CACNB2: variants seen among roughly 807,000 people sequenced by gnomAD.
CACNB2 encodes voltage-dependent L-type calcium channel subunit beta-2.
Under a neutral mutation model 73.3 loss-of-function variants are expected in CACNB2, and 42 were observed. The observed-to-expected ratio is 0.57, with a 90% CI of 0.45 to 0.74. The LOEUF is 0.74. Ranked by LOEUF, CACNB2 falls within the 30% of genes least tolerant of loss-of-function variation. The probability of loss-of-function intolerance (pLI) is 0.00; values close to 1 mark genes in which losing one functional copy is unlikely to be tolerated. For synonymous variants in CACNB2, 348 were observed against 310.3 expected (o/e 1.12, Z -1.28); for missense variants, 940 against 853.0 (o/e 1.10, Z -1.27).
chr10:18,298,150 C>A (rs762747066), intron 2 of CACNB2, among the ~76,000 whole-genome samples: 3 of 152,144 alleles, frequency 2.0e-5, no homozygotes, highest in Non-Finnish European at 4.4e-5. Context: ...TGGTGGATCA[C>A]CTGAGGTCAG....
At chr10:18,192,334 T>C (rs565631380) in intron 2 of CACNB2, among the ~76,000 whole-genome samples, 2 of 152,174 alleles carry the variant, frequency 1.3e-5, no homozygotes, top group Non-Finnish European at 1.5e-5. Context: ...ATACAATTAA[T>C]CATTTTATTT....
chr10:18,306,703 T>C (rs1030244679), intron 2 of CACNB2, among the ~76,000 whole-genome samples: 14 of 151,956 alleles, frequency 9.2e-5, no homozygotes, highest in Non-Finnish European at 1.0e-4. Flanking sequence ...CCAAAGATAG[T>C]TAAGGAGTGA....
intron 9 of CACNB2, among the ~76,000 whole-genome samples, chr10:18,520,840 G>T (rs1474969722): frequency 6.6e-6 from 1 of 152,170 alleles, no homozygotes; most frequent in South Asian, 2.1e-4. Flanking sequence ...TGGTATACGT[G>T]TGTACATGTA....
At chr10:18,166,556 A>G (rs2032865743) in intron 2 of CACNB2, among the ~76,000 whole-genome samples, 1 of 152,180 alleles carries the variant, frequency 6.6e-6, no homozygotes. Context: ...AAACTCATAA[A>G]TATTCCTAGA....
At position 18,518,321 on chromosome 10, in the gene CACNB2, C is replaced by T. The variant is rs546215302; in HGVS notation, c.805-15C>T. 6 of 1,593,586 alleles carry T rather than the reference C, an allele frequency of 3.8e-6. No homozygotes were observed. In the African/African-American group the frequency reaches 8.0e-5, roughly 21 times the overall value. On this transcript the variant is annotated splice_polypyrimidine_tract_variant and intron_variant, in intron 7 of 13. Coordinates refer to ENST00000324631, the MANE Select transcript of CACNB2 (RefSeq NM_201596.3). ...CTGCCTGTGAAACGTCTAAAAGCCT[C>T]TCCTCTCTCTGCAGACAGAGCACAC...
At chr10:18,292,895 T>C (rs772250450) in intron 2 of CACNB2, among the ~76,000 whole-genome samples, 5 of 152,196 alleles carry the variant, frequency 3.3e-5, no homozygotes, top group Non-Finnish European at 7.3e-5. Context: ...CACCAGCCCA[T>C]GCAACCTCGA....
intron 10 of CACNB2, among the ~76,000 whole-genome samples, chr10:18,533,669 G>A (rs543215481): frequency 2.6e-5 from 4 of 152,254 alleles, no homozygotes; most frequent in East Asian, 3.9e-4. Context: ...AGATCAGCCC[G>A]TGCACTGAAA....
chr10:18,259,940 G>A (rs1250809915), intron 2 of CACNB2, among the ~76,000 whole-genome samples: 1 of 152,072 alleles, frequency 6.6e-6, no homozygotes, highest in Non-Finnish European at 1.5e-5. Flanking sequence ...CTGGTAAAGT[G>A]TTGAGAATTA....
intron 3 of CACNB2, among the ~76,000 whole-genome samples, chr10:18,479,147 T>G (rs2048589359): frequency 1.3e-5 from 2 of 152,252 alleles, no homozygotes; most frequent in African/African-American, 4.8e-5. Context: ...ATATGGATCA[T>G]TTATATATAC....
intron 2 of CACNB2, among the ~76,000 whole-genome samples, chr10:18,291,281 C>T (rs2039058779): frequency 6.6e-6 from 1 of 152,190 alleles, no homozygotes; most frequent in African/African-American, 2.4e-5. Flanking sequence ...GCTCCTTGCT[C>T]TCATTATTTT....
At chr10:18,375,058 A>T (rs1185919340) in intron 2 of CACNB2, among the ~76,000 whole-genome samples, 1 of 152,084 alleles carries the variant, frequency 6.6e-6, no homozygotes, top group East Asian at 1.9e-4. Flanking sequence ...TCTCTACAAA[A>T]ATTTAAAAAA....
At position 18,539,572 on chromosome 10, in the gene CACNB2, G is replaced by GACGTGGATCGAGAGCAGGACCACA; in HGVS notation, c.1835_1858dup (p.Val612_Asn619dup). ...CAGGGAGTCCCGGCACCGTTCCCGG[G>GACGTGGATCGAGAGCAGGACCACA]ACGTGGATCGAGAGCAGGACCACAA... On this transcript the variant is annotated inframe_insertion, in exon 14 of 14. Coordinates refer to ENST00000324631, the MANE Select transcript of CACNB2 (RefSeq NM_201596.3). 6.2e-7 allele frequency: 1 copy of GACGTGGATCGAGAGCAGGACCACA among 1,613,830 alleles called. No individual in the cohort carries two copies. Among genetic ancestry groups the GACGTGGATCGAGAGCAGGACCACA allele is most frequent in the Non-Finnish European group, 8.5e-7 (1 of 1,179,982 alleles).
At chr10:18,300,039 G>A (rs1181568685) in intron 2 of CACNB2, among the ~76,000 whole-genome samples, 1 of 143,564 alleles carries the variant, frequency 7.0e-6, no homozygotes, top group Non-Finnish European at 1.5e-5. Context: ...TTTTTATTTT[G>A]AGACGGAGTT....
At chr10:18,441,646 T>A in intron 3 of CACNB2, among the ~76,000 whole-genome samples, 1 of 152,104 alleles carries the variant, frequency 6.6e-6, no homozygotes, top group Non-Finnish European at 1.5e-5. Flanking sequence ...GCTTTTTAAA[T>A]TTTTTTTAAA....
At chr10:18,504,715 A>G (rs1023978170) in intron 5 of CACNB2, among the ~76,000 whole-genome samples, 1 of 151,744 alleles carries the variant, frequency 6.6e-6, no homozygotes, top group African/African-American at 2.4e-5. Flanking sequence ...CGCAGTCTCG[A>G]CTCACTGCAA....
chr10:18,244,376 C>G (rs1005328948), intron 2 of CACNB2, among the ~76,000 whole-genome samples: 1 of 152,134 alleles, frequency 6.6e-6, no homozygotes, highest in South Asian at 2.1e-4. Context: ...AATCATCAAC[C>G]GCTTCTCAAC....
intron 3 of CACNB2, among the ~76,000 whole-genome samples, chr10:18,420,428 A>C (rs376834462): frequency 4.6e-5 from 7 of 152,240 alleles, no homozygotes; most frequent in African/African-American, 1.7e-4. Flanking sequence ...TGATCTGCCA[A>C]CTGTAACTGG....
chr10:18,295,762 A>G (rs1352116706), intron 2 of CACNB2, among the ~76,000 whole-genome samples: 1 of 152,206 alleles, frequency 6.6e-6, no homozygotes, highest in African/African-American at 2.4e-5. Flanking sequence ...TAGCAAATAC[A>G]TTAAGTATGT....
intron 2 of CACNB2, among the ~76,000 whole-genome samples, chr10:18,367,273 G>A (rs898820981): frequency 6.6e-6 from 1 of 151,796 alleles, no homozygotes. Flanking sequence ...AGTTTGAAAT[G>A]AACACATTTT....
Sources: allele counts gnomAD v4.1 joint callset (sites outside exome capture counted in the v4.1 genomes callset), GRCh38; gene constraint gnomAD v4.1.1; transcripts MANE v1.5; gene names NCBI Gene and HGNC (gene_info 2026-07-23, HGNC 2026-07-21).